PHF24: variants seen among roughly 807,000 people sequenced by gnomAD.
PHF24 encodes PHD finger protein 24.
PHF24 carries 25 observed loss-of-function variants against 42.6 expected under a neutral mutation model. That is an observed-to-expected ratio of 0.59 (90% CI 0.43 to 0.82). PHF24 has a LOEUF of 0.82. Among genes scored for constraint, PHF24 ranks in the 40% least tolerant of loss-of-function variants. The pLI, the probability that PHF24 is intolerant of heterozygous loss-of-function variation, is 0.00. For synonymous variants in PHF24, 185 were observed against 204.8 expected (o/e 0.90, Z 0.83); for missense variants, 470 against 538.1 (o/e 0.87, Z 1.25).
chr9:34,790,092 C>T, the PHF24 span, among the ~76,000 whole-genome samples: 1 of 152,228 alleles, frequency 6.6e-6, no homozygotes, highest in African/African-American at 2.4e-5. Context: ...AGGCGATCCT[C>T]CACCTTCACC....
the PHF24 span, among the ~76,000 whole-genome samples, chr9:34,799,150 A>G: frequency 1.3e-5 from 2 of 152,166 alleles, no homozygotes; most frequent in Admixed American, 6.5e-5. Flanking sequence ...CCAATAGACT[A>G]AAAGATTAAG....
chr9:34,966,442 G>T (rs1431606967), intron 1 of PHF24, among the ~76,000 whole-genome samples: 1 of 152,000 alleles, frequency 6.6e-6, no homozygotes, highest in Non-Finnish European at 1.5e-5. Context: ...TCAAAAATTA[G>T]CACGACCTGT....
At chr9:34,729,521 G>A in the PHF24 span, 12 of 1,361,672 alleles carry the variant, frequency 8.8e-6, no homozygotes, top group African/African-American at 5.9e-5. Context: ...GCCTTGTCAT[G>A]TCCACCTCAC....
chr9:34,753,287 TAAAC>T, the PHF24 span, among the ~76,000 whole-genome samples: 1 of 152,174 alleles, frequency 6.6e-6, no homozygotes, highest in East Asian at 1.9e-4. Flanking sequence ...TTAGAGCTAA[TAAAC>T]AAATTTAGTA....
At chr9:34,740,236 C>T in the PHF24 span, among the ~76,000 whole-genome samples, 6 of 152,236 alleles carry the variant, frequency 3.9e-5, no homozygotes, top group Admixed American at 3.3e-4. Context: ...CGTGCGCCCG[C>T]ACTCCTCAGC....
At chr9:34,692,167 C>A in the PHF24 span, among the ~76,000 whole-genome samples, 1 of 152,124 alleles carries the variant, frequency 6.6e-6, no homozygotes, top group Admixed American at 6.5e-5. Flanking sequence ...GTCACCCAAA[C>A]CCTAGACCCT....
chr9:34,777,839 G>A, the PHF24 span, among the ~76,000 whole-genome samples: 1 of 152,200 alleles, frequency 6.6e-6, no homozygotes, highest in African/African-American at 2.4e-5. Context: ...GGGACCCAAT[G>A]TTAGCTCCCT....
the PHF24 span, chr9:34,917,968 A>G: frequency 4.8e-6 from 7 of 1,444,864 alleles, no homozygotes; most frequent in East Asian, 2.3e-5. Flanking sequence ...TGGGAGGAGA[A>G]TGGTCTGAAA....
chr9:34,840,278 G>A, the PHF24 span, among the ~76,000 whole-genome samples: 1 of 152,072 alleles, frequency 6.6e-6, no homozygotes, highest in Non-Finnish European at 1.5e-5. Flanking sequence ...TATTCCCTCA[G>A]TCAATCACTT....
At chr9:34,749,567 A>C in the PHF24 span, among the ~76,000 whole-genome samples, 1 of 130,070 alleles carries the variant, frequency 7.7e-6, no homozygotes, top group Non-Finnish European at 1.7e-5. Flanking sequence ...ACCCTGTCTC[A>C]ATTTTTTTTT....
At chr9:34,704,555 C>T in the PHF24 span, among the ~76,000 whole-genome samples, 2 of 151,972 alleles carry the variant, frequency 1.3e-5, no homozygotes, top group African/African-American at 4.8e-5. Context: ...ATGGTATGGC[C>T]AGGCACAGTG....
chr9:34,717,797 G>A, the PHF24 span, among the ~76,000 whole-genome samples: 10 of 152,248 alleles, frequency 6.6e-5, no homozygotes, highest in South Asian at 1.7e-3. Context: ...GTGCAAACCT[G>A]TCTTTGTGTC....
chr9:34,894,425 A>G, the PHF24 span: 1 of 398,478 alleles, frequency 2.5e-6, no homozygotes, highest in East Asian at 3.6e-5. Context: ...GGAGACTGCA[A>G]AGAAGAAGAG....
intron 3 of PHF24, among the ~76,000 whole-genome samples, chr9:34,972,966 G>A (rs1165699850): frequency 6.6e-6 from 1 of 150,456 alleles, no homozygotes; most frequent in Non-Finnish European, 1.5e-5. Context: ...GAGACCTAGA[G>A]CTAGGATGGG....
chr9:34,938,688 G>A, the PHF24 span, among the ~76,000 whole-genome samples: 1 of 152,094 alleles, frequency 6.6e-6, no homozygotes, highest in Admixed American at 6.5e-5. Flanking sequence ...CCAGCACTTT[G>A]GGAGGCCGAG....
chr9:34,917,979 T>C, the PHF24 span: 3 of 1,405,570 alleles, frequency 2.1e-6, no homozygotes, highest in South Asian at 1.1e-5. Flanking sequence ...TGGTCTGAAA[T>C]ACACTGGGGA....
At chr9:34,742,817 A>C in the PHF24 span, among the ~76,000 whole-genome samples, 2 of 152,168 alleles carry the variant, frequency 1.3e-5, no homozygotes, top group Non-Finnish European at 2.9e-5. Flanking sequence ...TAAAATAGTC[A>C]CACTTTAACA....
At chr9:34,977,972 C>T in intron 7 of PHF24, 43 bp from the exon 8 acceptor site, 3 of 1,514,284 alleles carry the variant, frequency 2.0e-6, no homozygotes, top group Non-Finnish European at 2.8e-6. Context: ...GCTCACGTGT[C>T]TTCAAACCAG....
chr9:34,856,970 T>G, the PHF24 span, among the ~76,000 whole-genome samples: 1 of 152,184 alleles, frequency 6.6e-6, no homozygotes, highest in African/African-American at 2.4e-5. Context: ...TGCTAAAATT[T>G]CTGCAGGGAG....
Sources: gnomAD v4.1 joint callset for allele counts (sites outside exome capture counted in the v4.1 genomes callset) on GRCh38, gnomAD v4.1.1 for gene constraint, MANE v1.5 for transcripts, NCBI Gene and HGNC (gene_info 2026-07-23, HGNC 2026-07-21) for gene names.